The following RBFOX1 variants were observed in gnomAD, a reference collection of about 807,000 sequenced individuals.
RBFOX1 encodes RNA binding fox-1 homolog 1, also known as RNA binding protein fox-1 homolog 1.
A neutral mutation model predicts 57.7 loss-of-function variants in RBFOX1; 8 were observed. That is an observed-to-expected ratio of 0.14 (90% CI 0.08 to 0.25). The LOEUF (loss-of-function observed/expected upper bound fraction) is 0.25, where lower values mean the gene tolerates loss of function less well. RBFOX1 is among the 10% of genes least tolerant of loss of function. The pLI, the probability that RBFOX1 is intolerant of heterozygous loss-of-function variation, is 1.00. For synonymous variants in RBFOX1, 326 were observed against 222.4 expected, an observed-to-expected ratio of 1.47 and a Z score of -4.15; for missense variants, 611 against 548.5, an observed-to-expected ratio of 1.11 and a Z score of -1.14.
chr16:5,798,361 ATTAG>A (rs1267327263), intron 3 of RBFOX1, among the ~76,000 whole-genome samples: 2 of 152,182 alleles, frequency 1.3e-5, no homozygotes, highest in Non-Finnish European at 2.9e-5. Context: ...CTTGGCAAAT[ATTAG>A]TTAGGGTCAG....
chr16:6,053,140 T>A lies in RBFOX1; in HGVS notation c.-127+33148T>A, dbSNP rs908901088. The stretch of plus-strand genomic sequence containing the variant: ...GGGCTGAGCGGTACCTTACACACAG[T>A]GAGGCCTCCGCTATTATTTGCAAAT... On this transcript the variant is annotated intron_variant, in intron 1 of 15. Coordinates refer to ENST00000550418, the MANE Select transcript of RBFOX1 (RefSeq NM_018723.4). Among the ~76,000 whole-genome samples, 8 of 152,308 alleles carry A rather than the reference T, an allele frequency of 5.3e-5. No individual in the cohort carries two copies. The East Asian group carries it at 1.5e-3, about 29-fold the overall frequency.
intron 3 of RBFOX1, among the ~76,000 whole-genome samples, chr16:6,813,868 C>T (rs1017769795): frequency 7.9e-5 from 12 of 152,190 alleles, no homozygotes; most frequent in South Asian, 2.1e-4. Context: ...CTGAGCTCAG[C>T]CAGCCCCTTG....
chr16:6,844,351 C>G (rs113071145), intron 3 of RBFOX1, among the ~76,000 whole-genome samples: 20 of 152,232 alleles, frequency 1.3e-4, no homozygotes, highest in African/African-American at 4.6e-4. Flanking sequence ...TGCTCTCTTT[C>G]CTTCCCCTCA....
In RBFOX1 at chr16:6,732,149, C is replaced by G. The variant is rs551634116; in HGVS notation, c.-16+77499C>G. ...CTGCATAGTTTCTGGTCTCTTTCCC[C>G]TATACATCTGATCCCTCCATCTTTC... On this transcript the variant is annotated intron_variant, in intron 3 of 15. Transcript: ENST00000550418. 2.0e-5 allele frequency among the ~76,000 whole-genome samples: 3 copies of G among 152,258 alleles called. No individual in the cohort carries two copies. In the East Asian group the frequency reaches 5.8e-4, roughly 29 times the overall value.
intron 3 of RBFOX1, among the ~76,000 whole-genome samples, chr16:6,802,386 C>A (rs899736271): frequency 6.6e-6 from 1 of 152,020 alleles, no homozygotes; most frequent in Non-Finnish European, 1.5e-5. Context: ...GTTAGAAAGT[C>A]CATGTTATGG....
At chr16:7,092,788 G>T (rs1328270862) in intron 4 of RBFOX1, among the ~76,000 whole-genome samples, 3 of 152,338 alleles carry the variant, frequency 2.0e-5, no homozygotes, top group South Asian at 4.2e-4. Flanking sequence ...GTTGATTGCA[G>T]TTCACAAGTT....
At chr16:6,322,102 G>T (rs1289318775) in intron 2 of RBFOX1, among the ~76,000 whole-genome samples, 1 of 152,190 alleles carries the variant, frequency 6.6e-6, no homozygotes, top group Non-Finnish European at 1.5e-5. Flanking sequence ...TGATAAGTGA[G>T]TGTTTTATCT....
At chr16:7,470,129 G>C (rs149909317) in intron 4 of RBFOX1, among the ~76,000 whole-genome samples, 218 of 151,338 alleles carry the variant, frequency 1.4e-3, no homozygotes, top group African/African-American at 5.1e-3. Flanking sequence ...TTTTTGATTA[G>C]TGCAAATAAT....
intron 3 of RBFOX1, among the ~76,000 whole-genome samples, chr16:6,805,080 A>G (rs948775612): frequency 3.3e-5 from 5 of 152,138 alleles, no homozygotes; most frequent in African/African-American, 1.2e-4. Flanking sequence ...TACCATAAAG[A>G]CCCATGCACG....
At chr16:6,595,682 C>G (rs1001737991) in intron 2 of RBFOX1, among the ~76,000 whole-genome samples, 3 of 152,090 alleles carry the variant, frequency 2.0e-5, no homozygotes, top group African/African-American at 7.2e-5. Flanking sequence ...CCAGCAATGT[C>G]TCTGGCTTCC....
intron 3 of RBFOX1, among the ~76,000 whole-genome samples, chr16:5,684,322 C>T (rs1198776635): frequency 1.3e-5 from 2 of 151,952 alleles, no homozygotes; most frequent in Non-Finnish European, 2.9e-5. Flanking sequence ...GAGTTCTGTC[C>T]CTGTAAGAGA....
intron 14 of RBFOX1, among the ~76,000 whole-genome samples, chr16:7,705,368 G>A (rs1359322404): frequency 6.6e-6 from 1 of 152,052 alleles, no homozygotes; most frequent in Non-Finnish European, 1.5e-5. Flanking sequence ...AGCTGGGTGT[G>A]GTGGCAGGTA....
chr16:5,473,601 G>A (rs1015719766), intron 2 of RBFOX1, among the ~76,000 whole-genome samples: 1 of 150,618 alleles, frequency 6.6e-6, no homozygotes, highest in Non-Finnish European at 1.5e-5. Context: ...ATGGACGTAA[G>A]GAAGGATGGG....
In RBFOX1 at chr16:6,633,025, T is replaced by C. The variant is rs114383713; in HGVS notation, c.-63-21578T>C. 5.9e-3 allele frequency among the ~76,000 whole-genome samples: 896 copies of C among 152,170 alleles called. 13 individuals are homozygous for C. The highest frequency in any genetic ancestry group is 0.02 in the African/African-American group (830 of 41,526). On this transcript the variant is annotated intron_variant, in intron 2 of 15. Transcript: ENST00000550418. ...AGAGGGATGGGGAGACATTGAAAAATAAATACTTGATGTGTTTTCCTGGAG... is the reference window on the plus strand; with the variant it reads ...AGAGGGATGGGGAGACATTGAAAAACAAATACTTGATGTGTTTTCCTGGAG...
At chr16:5,938,700 C>G (rs1272061802) in intron 4 of RBFOX1, among the ~76,000 whole-genome samples, 5 of 152,072 alleles carry the variant, frequency 3.3e-5, no homozygotes, top group African/African-American at 9.7e-5. Flanking sequence ...TGAGGAATAG[C>G]CTGGTTGCTT....
chr16:6,939,903 A>G (rs2078058424), intron 3 of RBFOX1, among the ~76,000 whole-genome samples: 1 of 152,214 alleles, frequency 6.6e-6, no homozygotes, highest in Admixed American at 6.5e-5. Context: ...ATTTCACTCC[A>G]TAAATGCATA....
chr16:5,868,876 G>T (rs548350701), intron 4 of RBFOX1, among the ~76,000 whole-genome samples: 1 of 152,304 alleles, frequency 6.6e-6, no homozygotes, highest in African/African-American at 2.4e-5. Flanking sequence ...TCCTCTGGTG[G>T]TTTGCTGTCA....
chr16:7,523,096 C>G (rs2077881382), intron 5 of RBFOX1, among the ~76,000 whole-genome samples: 1 of 152,212 alleles, frequency 6.6e-6, no homozygotes, highest in South Asian at 2.1e-4. Context: ...ACATTATGTG[C>G]TCTCTTTGTC....
chr16:7,539,819 A>T (rs2082435492), intron 5 of RBFOX1, among the ~76,000 whole-genome samples: 1 of 152,220 alleles, frequency 6.6e-6, no homozygotes, highest in Admixed American at 6.5e-5. Context: ...CATTATCAGA[A>T]TGGTAAGAAT....
Sources: gnomAD v4.1 joint callset for allele counts (sites outside exome capture counted in the v4.1 genomes callset) on GRCh38, gnomAD v4.1.1 for gene constraint, MANE v1.5 for transcripts, NCBI Gene and HGNC (gene_info 2026-07-23, HGNC 2026-07-21) for gene names.